ABLIM2: variants seen among roughly 807,000 people sequenced by gnomAD.
ABLIM2 encodes actin-binding LIM protein 2.
Under a neutral mutation model 97.7 loss-of-function variants are expected in ABLIM2, and 53 were observed. That is an observed-to-expected ratio of 0.54 (90% confidence interval 0.44 to 0.68). ABLIM2 has a LOEUF of 0.68. Among genes scored for constraint, ABLIM2 ranks in the 30% least tolerant of loss-of-function variants. The probability of loss-of-function intolerance (pLI) is 0.00; values close to 1 mark genes in which losing one functional copy is unlikely to be tolerated. For missense variants in ABLIM2, 835 were observed against 867.2 expected, an observed-to-expected ratio of 0.96 and a Z score of 0.47; for synonymous variants, 361 against 345.8, an observed-to-expected ratio of 1.04 and a Z score of -0.49.
chr4:8,096,723 G>C (rs1164637196), intron 3 of ABLIM2, among the ~76,000 whole-genome samples: 5 of 152,244 alleles, frequency 3.3e-5, no homozygotes, highest in African/African-American at 1.2e-4. Context: ...GGCTGGGGAG[G>C]GAAGGGGGAG....
In ABLIM2 at chr4:7,984,870, T is replaced by C; in HGVS notation, c.1704A>G (p.Gly568=). The C allele has an allele frequency of 6.2e-7, 1 of 1,608,516 alleles. No homozygotes were observed. Among genetic ancestry groups the C allele is most frequent in the Non-Finnish European group, 8.5e-7 (1 of 1,177,912 alleles). The change falls in exon 18 of 21, where the codon GGA becomes GGG. Residue 568 remains glycine (G), a synonymous_variant. Coordinates refer to ENST00000447017, the MANE Select transcript of ABLIM2 (RefSeq NM_001130083.2). The stretch of plus-strand genomic sequence containing the variant: ...TGCCCCAGCTGGCATCCGGGTCTGC[T>C]CCACAGGGGGCCAGATTGGCATTCT... The part of the protein sequence containing the change: ...DQRNANLAPC[G]ADPDASWGMR...
intron 1 of ABLIM2, among the ~76,000 whole-genome samples, chr4:8,156,095 C>T (rs1209851664): frequency 6.6e-6 from 1 of 152,200 alleles, no homozygotes; most frequent in African/African-American, 2.4e-5. Flanking sequence ...GCCAGGCCAG[C>T]AGCTGCCCAG....
intron 8 of ABLIM2, among the ~76,000 whole-genome samples, chr4:8,052,646 G>C (rs1796777404): frequency 6.6e-6 from 1 of 152,218 alleles, no homozygotes; most frequent in South Asian, 2.1e-4. Context: ...CCCCGTGCAG[G>C]CCTCCAGCCC....
At chr4:8,025,770 C>A (rs1411565560) in intron 12 of ABLIM2, among the ~76,000 whole-genome samples, 1 of 152,052 alleles carries the variant, frequency 6.6e-6, no homozygotes, top group Non-Finnish European at 1.5e-5. Flanking sequence ...ACAGTTGGGA[C>A]AGCCACACCA....
chr4:7,980,534 G>A (rs573521701), intron 20 of ABLIM2, among the ~76,000 whole-genome samples: 8 of 152,062 alleles, frequency 5.3e-5, no homozygotes, highest in Non-Finnish European at 1.2e-4. Context: ...GGCCAACGTG[G>A]TGAAACCCCA....
chr4:8,073,560 G>C (rs1435054066), intron 6 of ABLIM2, among the ~76,000 whole-genome samples: 1 of 151,964 alleles, frequency 6.6e-6, no homozygotes, highest in Non-Finnish European at 1.5e-5. Context: ...GGAGGGAGAG[G>C]CCACGGCCCC....
At chr4:8,047,358 T>TTCCTCCTCCTCCTCC (rs139472480) in intron 8 of ABLIM2, among the ~76,000 whole-genome samples, 2 of 149,040 alleles carry the variant, frequency 1.3e-5, no homozygotes, top group Non-Finnish European at 3.0e-5. Flanking sequence ...CCACCGCCTC[T>TTCCTCCTCCTCCTCC]TCCTCCTCCT....
At chr4:8,151,908 G>A (rs1000621460) in intron 1 of ABLIM2, among the ~76,000 whole-genome samples, 1 of 152,064 alleles carries the variant, frequency 6.6e-6, no homozygotes, top group Non-Finnish European at 1.5e-5. Context: ...GGGCACATGG[G>A]CTCAATGTGG....
At chr4:8,143,236 G>A (rs1851303403) in intron 1 of ABLIM2, among the ~76,000 whole-genome samples, 1 of 150,974 alleles carries the variant, frequency 6.6e-6, no homozygotes, top group Non-Finnish European at 1.5e-5. Context: ...TGAGGCCCAG[G>A]CATCTGCCTG....
intron 16 of ABLIM2, among the ~76,000 whole-genome samples, chr4:7,995,150 G>A (rs1752355460): frequency 6.6e-6 from 1 of 151,598 alleles, no homozygotes; most frequent in African/African-American, 2.4e-5. Flanking sequence ...CAGTTAGAAT[G>A]GCAATCATTA....
At chr4:8,137,083 C>T (rs1240791476) in intron 1 of ABLIM2, among the ~76,000 whole-genome samples, 1 of 152,226 alleles carries the variant, frequency 6.6e-6, no homozygotes, top group Non-Finnish European at 1.5e-5. Context: ...TCCGTGCCTC[C>T]CTCTGGGACT....
At chr4:8,137,279 TG>T (rs1850320867) in intron 1 of ABLIM2, among the ~76,000 whole-genome samples, 1 of 152,168 alleles carries the variant, frequency 6.6e-6, no homozygotes, top group African/African-American at 2.4e-5. Flanking sequence ...GATCCTGAGC[TG>T]GGTGAGACAG....
chr4:8,011,169 T>A (rs1336992095), intron 14 of ABLIM2, among the ~76,000 whole-genome samples: 1 of 152,216 alleles, frequency 6.6e-6, no homozygotes, highest in African/African-American at 2.4e-5. Flanking sequence ...TCAGGGACTT[T>A]CCTTGGCCAT....
intron 6 of ABLIM2, among the ~76,000 whole-genome samples, chr4:8,062,273 G>C (rs1056252876): frequency 6.6e-6 from 1 of 152,198 alleles, no homozygotes; most frequent in Non-Finnish European, 1.5e-5. Flanking sequence ...TAGATGGCCA[G>C]TCTCTCAAGC....
chr4:7,970,769 G>A lies in ABLIM2; in HGVS notation c.1825-3666C>T, dbSNP rs1429291795. On this transcript the variant is annotated intron_variant, in intron 20 of 20. Coordinates refer to ENST00000447017, the MANE Select transcript of ABLIM2 (RefSeq NM_001130083.2). This position sits in a 1 kb window ranked among gnomAD's most constrained non-coding sequence, Gnocchi z 5.3. Reference sequence around the variant, plus strand: ...TCTGGGAGTGTGGCACTGGGACTGGGACGCTCCATCACCAGAGGCCCTGGG... The same window carrying A: ...TCTGGGAGTGTGGCACTGGGACTGGAACGCTCCATCACCAGAGGCCCTGGG... Among the ~76,000 whole-genome samples the A allele has an allele frequency of 6.6e-6, 1 of 151,948 alleles. No homozygotes were observed. The highest frequency in any genetic ancestry group is 1.5e-5 in the Non-Finnish European group (1 of 67,976).
In ABLIM2 at chr4:8,002,256, A is replaced by G. The variant is rs1283419130; in HGVS notation, c.1618+5803T>C. On this transcript the variant is annotated intron_variant, in intron 16 of 20. Transcript: ENST00000447017. This position sits in a 1 kb window ranked among gnomAD's most constrained non-coding sequence, Gnocchi z 6.1. ...AGGCTCTCCAAGCCAACATGAAGAC[A>G]CCCACCTGTTCTCATCCCATCTCTG... is the stretch of plus-strand genomic sequence containing the variant. Among the ~76,000 whole-genome samples, 1 of 152,110 alleles carries G rather than the reference A, an allele frequency of 6.6e-6. No homozygotes were observed. The highest frequency in any genetic ancestry group is 2.4e-5 in the African/African-American group (1 of 41,406).
chr4:8,008,010 C>A, intron 16 of ABLIM2, 49 bp downstream of exon 16: 1 of 1,601,690 alleles, frequency 6.2e-7, no homozygotes, highest in Non-Finnish European at 8.5e-7. Flanking sequence ...CTCTTTGCCG[C>A]GAGGCATTTT....
intron 8 of ABLIM2, among the ~76,000 whole-genome samples, chr4:8,049,685 T>G (rs948545633): frequency 2.6e-5 from 4 of 152,234 alleles, no homozygotes; most frequent in Non-Finnish European, 4.4e-5. Flanking sequence ...GAGACATTCC[T>G]TTCTACAGAT....
At chr4:7,977,527 T>C (rs6812592) in intron 20 of ABLIM2, among the ~76,000 whole-genome samples, 71,471 of 152,072 alleles carry the variant, frequency 0.47, 17,616 homozygotes, top group Non-Finnish European at 0.54. Context: ...TGGTGGCTCA[T>C]GCCTGTAATC....
Sources: allele counts gnomAD v4.1 joint callset (sites outside exome capture counted in the v4.1 genomes callset), GRCh38; gene constraint gnomAD v4.1.1; non-coding constraint Gnocchi (gnomAD v3.1); transcripts MANE v1.5; gene names NCBI Gene and HGNC (gene_info 2026-07-23, HGNC 2026-07-21).